Variants in KIAA0513 observed in about 807,000 individuals in gnomAD.
The protein encoded by KIAA0513 is uncharacterized protein KIAA0513.
In KIAA0513, 39 loss-of-function variants were observed where a neutral mutation model predicts 56.5. The observed-to-expected ratio is 0.69, with a 90% confidence interval of 0.53 to 0.90. The LOEUF is 0.90. Ranked by LOEUF, KIAA0513 falls within the 40% of genes least tolerant of loss-of-function variation. The probability of loss-of-function intolerance (pLI) is 0.00; values close to 1 mark genes in which losing one functional copy is unlikely to be tolerated. For synonymous variants in KIAA0513, 268 were observed against 215.6 expected (o/e 1.24, Z -2.13); for missense variants, 591 against 535.2 (o/e 1.10, Z -1.03).
rs1425109014 is a variant in KIAA0513 at position 85,088,364 on chromosome 16, G to C, written c.*39G>C. On this transcript the variant is annotated 3_prime_UTR_variant, in exon 13 of 13. Coordinates refer to ENST00000683363, the MANE Select transcript of KIAA0513 (RefSeq NM_001388359.1). Reference sequence around the variant, plus strand: ...CACTCCGCAGGAGGACTGAGGCCATGTGCCATTCTCCCGGGCCCAGCGCCC... The same window carrying C: ...CACTCCGCAGGAGGACTGAGGCCATCTGCCATTCTCCCGGGCCCAGCGCCC... The C allele has an allele frequency of 6.3e-7, 1 of 1,586,890 alleles. No homozygotes were observed. The highest frequency in any genetic ancestry group is 1.7e-5 in the Admixed American group (1 of 59,934).
chr16:85,060,415 G>A (rs1354984211), intron 1 of KIAA0513, among the ~76,000 whole-genome samples: 3 of 152,186 alleles, frequency 2.0e-5, no homozygotes, highest in Admixed American at 6.5e-5. Flanking sequence ...GTGGTGTCTC[G>A]GGGTCCCGGT....
rs561274197 is a variant in KIAA0513 at position 85,029,087 on chromosome 16, T to A, written c.-173+1229T>A. On this transcript the variant is annotated intron_variant, in intron 1 of 12. Transcript: ENST00000683363. ...CCTGGGAAGCGTATGTTCTCCATTG[T>A]TCAGTGTCTCTCTTTGGCTGTCACT... 2.0e-4 allele frequency among the ~76,000 whole-genome samples: 30 copies of A among 152,368 alleles called. 1 individual carries two copies. The highest frequency in any genetic ancestry group is 1.8e-3 in the Admixed American group (27 of 15,310).
At chr16:85,072,442 G>C (rs952612608) in intron 3 of KIAA0513, among the ~76,000 whole-genome samples, 1 of 149,590 alleles carries the variant, frequency 6.7e-6, no homozygotes, top group African/African-American at 2.4e-5. Flanking sequence ...ACAAAGTTTA[G>C]AAAAGAATTA....
chr16:85,067,837 G>T (rs2073511308), intron 2 of KIAA0513, among the ~76,000 whole-genome samples: 2 of 151,692 alleles, frequency 1.3e-5, no homozygotes, highest in Non-Finnish European at 2.9e-5. Flanking sequence ...TTGAGACAGA[G>T]TCTGGGTCTG....
In KIAA0513 at chr16:85,067,197, A is replaced by G. The variant is rs749163972; in HGVS notation, c.126A>G (p.Ala42=). 1.2e-6 allele frequency: 2 copies of G among 1,614,174 alleles called. No homozygotes were observed. Among genetic ancestry groups the G allele is most frequent in the African/African-American group, 1.3e-5 (1 of 75,060 alleles). ...GCGATGGCTCCCTGGGGGACGGTGC[A>G]TCAGAGAGTGAGACCACTGAGTCTG... ...QDGDGSLGDG[A]SESETTESAD... is the part of the protein sequence containing the mutation. The change falls in exon 2 of 13, where the codon GCA becomes GCG. Residue 42 remains alanine, a synonymous_variant. Transcript: ENST00000683363.
chr16:85,060,440 G>C (rs1409254250), intron 1 of KIAA0513, among the ~76,000 whole-genome samples: 1 of 152,222 alleles, frequency 6.6e-6, no homozygotes, highest in Non-Finnish European at 1.5e-5. Flanking sequence ...CATGTGCACA[G>C]TGCACCTGCC....
chr16:85,072,170 T>C (rs2073586763), intron 3 of KIAA0513, among the ~76,000 whole-genome samples: 3 of 152,056 alleles, frequency 2.0e-5, no homozygotes, highest in South Asian at 4.1e-4. Context: ...TTGGGCAACA[T>C]AGTGAGGTCC....
intron 1 of KIAA0513, among the ~76,000 whole-genome samples, chr16:85,054,421 C>CTTTTTTTTTT (rs398042273): frequency 2.9e-3 from 343 of 119,458 alleles, no homozygotes; most frequent in Middle Eastern, 5.2e-3. Flanking sequence ...TTTTTCTTTT[C>CTTTTTTTTTT]TTTTTTTTTT....
rs544599657 is a variant in KIAA0513, at chr16:85,087,091, C to G, written c.1111C>G (p.Leu371Val). The part of the protein sequence containing the change: ...GQLGTFTHNM[L>V]AFGLNKKLCN... Reference sequence around the variant, plus strand: ...CTGCAGCACATTCACGCACAACATGCTGGCCTTTGGACTGAACAAGAAGCT... The same window carrying G: ...CTGCAGCACATTCACGCACAACATGGTGGCCTTTGGACTGAACAAGAAGCT... The change falls in exon 12 of 13, where the codon CTG (leucine) becomes GTG (valine). Residue 371 changes from leucine (L) to valine (V), a missense_variant. Physicochemically the swap from Leu to Val is conservative, Grantham distance 32. Transcript: ENST00000683363. 78 of 1,614,086 alleles carry G rather than the reference C, an allele frequency of 4.8e-5. No individual in the cohort carries two copies. Among genetic ancestry groups the G allele is most frequent in the Non-Finnish European group, 6.1e-5 (72 of 1,180,018 alleles).
chr16:85,063,135 T>A (rs975453780), intron 1 of KIAA0513: 15 of 152,374 alleles, frequency 9.8e-5, no homozygotes, highest in African/African-American at 3.4e-4. Context: ...GCCTCCGTGC[T>A]GAGCCCACGG....
chr16:85,066,598 T>C (rs1276804412), intron 1 of KIAA0513, among the ~76,000 whole-genome samples: 1 of 152,136 alleles, frequency 6.6e-6, no homozygotes, highest in Non-Finnish European at 1.5e-5. Flanking sequence ...AGGATGGGCC[T>C]TTTCTGTCCT....
At chr16:85,071,694 A>C in intron 2 of KIAA0513, 89 bp from the exon 3 acceptor site, 1 of 1,060,724 alleles carries the variant, frequency 9.4e-7, no homozygotes, top group Admixed American at 2.7e-5. Context: ...ATATTTCGTT[A>C]GTTCCTTCTC....
chr16:85,091,938 AT>A lies in KIAA0513; in HGVS notation c.*3635del, dbSNP rs60578037. On this transcript the variant is annotated 3_prime_UTR_variant, in exon 13 of 13. Transcript: ENST00000683363. ...TTCCTGGGTCCCACTATCTGTTGGC[AT>A]TTTTTTTTTTTTTTTTTTTTTAGAC... 0.078 allele frequency: 10,120 copies of A among 129,220 alleles called. 779 individuals carry two copies. The highest frequency in any genetic ancestry group is 0.21 in the African/African-American group (7,197 of 33,788). 8.0% of individuals were successfully genotyped at this position (129,220 alleles called of 1,614,324 possible).
chr16:85,056,621 C>T (rs370263536), intron 1 of KIAA0513, among the ~76,000 whole-genome samples: 4 of 152,162 alleles, frequency 2.6e-5, no homozygotes, highest in African/African-American at 7.2e-5. Context: ...TTGCATTCCT[C>T]CGGGCCGCGC....
chr16:85,078,536 G>A, intron 7 of KIAA0513, 81 bp downstream of exon 7: 1 of 1,378,264 alleles, frequency 7.3e-7, no homozygotes, highest in Non-Finnish European at 1.0e-6. Context: ...CGGCCTCTGG[G>A]GCTTTCCTGC....
chr16:85,067,813 T>A (rs891663758), intron 2 of KIAA0513, among the ~76,000 whole-genome samples: 1 of 151,048 alleles, frequency 6.6e-6, no homozygotes, highest in Non-Finnish European at 1.5e-5. Flanking sequence ...CTTTTTTTCT[T>A]TTTTTTTCTT....
intron 1 of KIAA0513, among the ~76,000 whole-genome samples, chr16:85,035,333 G>C (rs1243148444): frequency 6.6e-6 from 1 of 152,202 alleles, no homozygotes; most frequent in Non-Finnish European, 1.5e-5. Context: ...ACGAAGAAAC[G>C]CTGGTAGCAC....
At chr16:85,043,299 G>A (rs774110559) in intron 1 of KIAA0513, among the ~76,000 whole-genome samples, 3 of 151,566 alleles carry the variant, frequency 2.0e-5, no homozygotes, top group South Asian at 4.2e-4. Flanking sequence ...ACATACCTGC[G>A]CACTGAAACA....
In KIAA0513 at chr16:85,066,927, G is replaced by A. The variant is rs2073490590; in HGVS notation, c.-145G>A. The stretch of plus-strand genomic sequence containing the variant: ...GCCGTAGGGCCAGGTGAGCTGCTGT[G>A]AAGGACTCATTCTTGGTAGCCGGCA... On this transcript the variant is annotated 5_prime_UTR_variant, in exon 2 of 13. Coordinates refer to ENST00000683363, the MANE Select transcript of KIAA0513 (RefSeq NM_001388359.1). The A allele has an allele frequency of 4.9e-6, 3 of 618,506 alleles. No individual in the cohort carries two copies. The highest frequency in any genetic ancestry group is 8.3e-6 in the Non-Finnish European group (3 of 360,992). The allele number at this position is 618,506 out of a possible 1,614,324, so 38.3% of individuals were successfully genotyped here.
Sources: gnomAD v4.1 joint callset for allele counts (sites outside exome capture counted in the v4.1 genomes callset) on GRCh38, gnomAD v4.1.1 for gene constraint, MANE v1.5 for transcripts, NCBI Gene and HGNC (gene_info 2026-07-23, HGNC 2026-07-21) for gene names.